Variants in KIAA1217 observed in about 807,000 individuals in gnomAD.
KIAA1217 encodes the protein sickle tail protein homolog.
In KIAA1217, 88 loss-of-function variants were observed where a neutral mutation model predicts 163.9. The ratio of observed to expected loss-of-function variants is 0.54; its 90% CI spans 0.45 to 0.64. KIAA1217 has a LOEUF of 0.64. Ranked by LOEUF, KIAA1217 falls within the 30% of genes least tolerant of loss-of-function variation. KIAA1217 has a pLI of 0.00. For missense variants in KIAA1217, 2,372 were observed against 2,475.0 expected (o/e 0.96, Z 0.88); for synonymous variants, 903 against 923.1 (o/e 0.98, Z 0.39).
Position 24,543,599 on chromosome 10 carries a change from GATC to G in KIAA1217, c.4335_4337del (p.Ile1446del), listed in dbSNP as rs1477051592. ...TCGTGTGCCTGGACAAGAAACCAGT[GATC>G]ATCATTTTCGATGAGCCCATGGACA... On this transcript the variant is annotated inframe_deletion, in exon 19 of 21. Coordinates refer to ENST00000376454, the MANE Select transcript of KIAA1217 (RefSeq NM_019590.5). 6.2e-7 allele frequency: 1 copy of G among 1,614,122 alleles called. No homozygotes were observed. Among genetic ancestry groups the G allele is most frequent in the South Asian group, 1.1e-5 (1 of 91,058 alleles).
chr10:24,114,873 G>A (rs900916975), intron 2 of KIAA1217, among the ~76,000 whole-genome samples: 4 of 152,080 alleles, frequency 2.6e-5, no homozygotes, highest in Admixed American at 1.3e-4. Flanking sequence ...TGCTAACTAC[G>A]CCACATCAGT....
At chr10:24,351,033 C>T (rs1053120746) in intron 2 of KIAA1217, among the ~76,000 whole-genome samples, 3 of 149,936 alleles carry the variant, frequency 2.0e-5, no homozygotes, top group Admixed American at 6.6e-5. Context: ...CTGCAACCTC[C>T]GCCTCCTGGG....
At chr10:24,242,511 G>A (rs974611338) in intron 2 of KIAA1217, among the ~76,000 whole-genome samples, 1 of 151,972 alleles carries the variant, frequency 6.6e-6, no homozygotes, top group African/African-American at 2.4e-5. Flanking sequence ...GGACACCTAG[G>A]TTGATTCCAT....
Position 24,489,938 on chromosome 10 carries a change from T to G in KIAA1217, c.1680-4562T>G, listed in dbSNP as rs564977044. Among the ~76,000 whole-genome samples, 7 of 152,072 alleles carry G rather than the reference T, an allele frequency of 4.6e-5. No individual in the cohort carries two copies. In the South Asian group the frequency reaches 1.5e-3, roughly 32 times the overall value. On this transcript the variant is annotated intron_variant, in intron 6 of 20. Coordinates refer to ENST00000376454, the MANE Select transcript of KIAA1217 (RefSeq NM_019590.5). ...AAATCATCCCCTAAACACAGATTCT[T>G]TTTTTTCCTTTTCTGTGTTCCAAAG...
At position 24,035,229 on chromosome 10, in the gene KIAA1217, G is replaced by A. The variant is rs566587317; in HGVS notation, c.-171+27855G>A. 3.9e-5 allele frequency among the ~76,000 whole-genome samples: 6 copies of A among 152,260 alleles called. No individual in the cohort carries two copies. In the South Asian group the frequency reaches 1.0e-3, roughly 26 times the overall value. ...ATAATAATGGTGTCTACCTTGTCAG[G>A]TCACCATGAAGGATAAATGACTTAG... On this transcript the variant is annotated intron_variant, in intron 2 of 18. Transcript: ENST00000376462.
intron 2 of KIAA1217, among the ~76,000 whole-genome samples, chr10:24,114,266 A>T (rs1461243288): frequency 2.0e-5 from 3 of 152,164 alleles, no homozygotes; most frequent in Non-Finnish European, 4.4e-5. Flanking sequence ...GATGCAGCAC[A>T]CCAGCATGGC....
At chr10:24,457,656 C>A (rs544468980) in intron 5 of KIAA1217, among the ~76,000 whole-genome samples, 14 of 152,296 alleles carry the variant, frequency 9.2e-5, no homozygotes, top group African/African-American at 3.1e-4. Flanking sequence ...CCGCCTTGGC[C>A]TCCCAAAGTG....
chr10:23,940,999 GT>G (rs1479278516), intron 1 of KIAA1217, among the ~76,000 whole-genome samples: 1 of 152,180 alleles, frequency 6.6e-6, no homozygotes, highest in African/African-American at 2.4e-5. Context: ...CTTCTTCCAA[GT>G]TTCTTGATAG....
intron 1 of KIAA1217, among the ~76,000 whole-genome samples, chr10:23,757,133 G>A (rs376221973): frequency 3.9e-5 from 6 of 152,152 alleles, no homozygotes; most frequent in African/African-American, 7.2e-5. Flanking sequence ...TGATGAATGC[G>A]TGGGTTCTTC....
intron 2 of KIAA1217, among the ~76,000 whole-genome samples, chr10:24,298,188 A>T (rs926794233): frequency 6.6e-6 from 1 of 152,166 alleles, no homozygotes; most frequent in Admixed American, 6.6e-5. Context: ...ATCAGTCTGC[A>T]TGTGTAACTA....
At chr10:24,137,439 GGCATTTTC>G (rs2063877489) in intron 2 of KIAA1217, among the ~76,000 whole-genome samples, 1 of 152,182 alleles carries the variant, frequency 6.6e-6, no homozygotes, top group East Asian at 1.9e-4. Flanking sequence ...ACACTTTGCA[GGCATTTTC>G]TGCTGCTGCA....
At chr10:23,909,311 C>G (rs1176297358) in intron 1 of KIAA1217, among the ~76,000 whole-genome samples, 2 of 151,798 alleles carry the variant, frequency 1.3e-5, no homozygotes, top group Non-Finnish European at 2.9e-5. Context: ...AAATAACTTA[C>G]TAATGTAACC....
intron 2 of KIAA1217, among the ~76,000 whole-genome samples, chr10:24,364,259 G>T (rs1036151489): frequency 6.6e-6 from 1 of 152,000 alleles, no homozygotes; most frequent in Admixed American, 6.5e-5. Flanking sequence ...GATTACAGGC[G>T]TGAGCCACCG....
chr10:24,141,837 C>T (rs1469733414), intron 2 of KIAA1217, among the ~76,000 whole-genome samples: 2 of 151,738 alleles, frequency 1.3e-5, no homozygotes, highest in Non-Finnish European at 1.5e-5. Context: ...ACTTCCCAAC[C>T]TCCAGAACTG....
intron 1 of KIAA1217, among the ~76,000 whole-genome samples, chr10:23,994,615 G>A (rs1286392926): frequency 6.6e-6 from 1 of 152,178 alleles, no homozygotes; most frequent in Non-Finnish European, 1.5e-5. Flanking sequence ...TTGACCCTAA[G>A]GTTGATGGAA....
intron 1 of KIAA1217, among the ~76,000 whole-genome samples, chr10:23,927,837 T>C (rs1843090720): frequency 6.6e-6 from 1 of 152,136 alleles, no homozygotes; most frequent in African/African-American, 2.4e-5. Flanking sequence ...CTGAAACTAG[T>C]GCGCGATAAA....
chr10:23,902,072 G>A (rs1211657796), intron 1 of KIAA1217, among the ~76,000 whole-genome samples: 1 of 152,008 alleles, frequency 6.6e-6, no homozygotes, highest in African/African-American at 2.4e-5. Flanking sequence ...GCAGTATTTG[G>A]TTCCCATGCT....
chr10:23,955,689 C>CTGGA (rs776306623), intron 1 of KIAA1217, among the ~76,000 whole-genome samples: 3 of 152,132 alleles, frequency 2.0e-5, no homozygotes, highest in Non-Finnish European at 4.4e-5. Context: ...GGCAAGTTAG[C>CTGGA]TGGATAGTAT....
At chr10:23,992,763 G>A (rs902922917) in intron 1 of KIAA1217, among the ~76,000 whole-genome samples, 8 of 151,636 alleles carry the variant, frequency 5.3e-5, no homozygotes, top group South Asian at 2.1e-4. Context: ...ACAAATGCAC[G>A]AGGAGAGTTT....
Sources: gnomAD v4.1 joint callset for allele counts (sites outside exome capture counted in the v4.1 genomes callset) on GRCh38, gnomAD v4.1.1 for gene constraint, MANE v1.5 for transcripts, NCBI Gene and HGNC (gene_info 2026-07-23, HGNC 2026-07-21) for gene names.